Variants in TUSC3 observed in about 807,000 individuals in gnomAD.
TUSC3 encodes tumor suppressor candidate 3.
In TUSC3, 45 loss-of-function variants were observed where a neutral mutation model predicts 44.8. The ratio of observed to expected loss-of-function variants is 1.00; its 90% confidence interval spans 0.79 to 1.29. The LOEUF is 1.29. TUSC3 is among the 50% of genes most tolerant of loss of function. The probability of loss-of-function intolerance (pLI) is 0.00; values close to 1 mark genes in which losing one functional copy is unlikely to be tolerated. For synonymous variants in TUSC3, 212 were observed against 152.9 expected (o/e 1.39, Z -2.85); for missense variants, 519 against 437.9 (o/e 1.19, Z -1.65).
At chr8:15,652,183 T>C (rs575937205) in intron 3 of TUSC3, among the ~76,000 whole-genome samples, 1 of 152,330 alleles carries the variant, frequency 6.6e-6, no homozygotes, top group Non-Finnish European at 1.5e-5. Flanking sequence ...GGTTGATCTT[T>C]TCGGGTATCT....
chr8:15,456,647 T>C (rs1329670342), intron 1 of TUSC3, among the ~76,000 whole-genome samples: 2 of 152,174 alleles, frequency 1.3e-5, no homozygotes, highest in Non-Finnish European at 2.9e-5. Flanking sequence ...AAAAGGACTT[T>C]TTATTAAATG....
chr8:15,484,290 A>G (rs1398339087), intron 2 of TUSC3, among the ~76,000 whole-genome samples: 1 of 152,168 alleles, frequency 6.6e-6, no homozygotes, highest in Non-Finnish European at 1.5e-5. Flanking sequence ...CTCTAGCACA[A>G]TTTCCCAGGA....
intron 6 of TUSC3, among the ~76,000 whole-genome samples, chr8:15,695,800 G>C (rs561106389): frequency 6.6e-6 from 1 of 152,326 alleles, no homozygotes; most frequent in South Asian, 2.1e-4. Context: ...CGTTTTAGCA[G>C]AGACAGGTGG....
the TUSC3 span, among the ~76,000 whole-genome samples, chr8:15,813,355 T>C: frequency 6.7e-6 from 1 of 148,902 alleles, no homozygotes; most frequent in South Asian, 2.2e-4. Context: ...TTAAGAGTAT[T>C]GGTGATGTAG....
intron 1 of TUSC3, among the ~76,000 whole-genome samples, chr8:15,579,125 T>C (rs1803224611): frequency 6.6e-6 from 1 of 152,056 alleles, no homozygotes; most frequent in Admixed American, 6.6e-5. Flanking sequence ...TAGTATTCTC[T>C]GATATTAGTT....
At chr8:15,802,825 A>G in the TUSC3 span, among the ~76,000 whole-genome samples, 3 of 152,068 alleles carry the variant, frequency 2.0e-5, no homozygotes, top group Admixed American at 1.3e-4. Flanking sequence ...AGTACCCAGA[A>G]CGTGGCTAAA....
At chr8:15,429,255 G>C (rs894070374) in intron 1 of TUSC3, among the ~76,000 whole-genome samples, 1 of 152,116 alleles carries the variant, frequency 6.6e-6, no homozygotes, top group Non-Finnish European at 1.5e-5. Context: ...CTTTTTGTCA[G>C]GTGTGTCAAA....
At chr8:15,827,353 G>C in the TUSC3 span, among the ~76,000 whole-genome samples, 2 of 152,302 alleles carry the variant, frequency 1.3e-5, no homozygotes, top group East Asian at 1.9e-4. Flanking sequence ...CTGAACACTA[G>C]TGTCATATAT....
At chr8:15,652,157 C>G (rs1266464707) in intron 3 of TUSC3, among the ~76,000 whole-genome samples, 1 of 152,158 alleles carries the variant, frequency 6.6e-6, no homozygotes, top group Non-Finnish European at 1.5e-5. Context: ...AAATGCAAAA[C>G]TTAGTGCAGT....
intron 7 of TUSC3, among the ~76,000 whole-genome samples, chr8:15,735,672 A>G: frequency 6.6e-6 from 1 of 152,080 alleles, no homozygotes; most frequent in Middle Eastern, 3.2e-3. Flanking sequence ...ATCATAATAA[A>G]GATACAGTGG....
Position 15,540,452 on chromosome 8 carries a change from T to C in TUSC3, c.22T>C (p.Ser8Pro). Residue 8 changes from serine (S) to proline (P), a missense_variant, in exon 1 of 11, where the codon TCA (serine) becomes CCA (proline). Ser to Pro is a moderately conservative substitution (Grantham distance 74). Coordinates refer to ENST00000503731, the MANE Select transcript of TUSC3 (RefSeq NM_006765.4). The stretch of plus-strand genomic sequence containing the variant: ...CGCGATGGGGGCCCGGGGCGCTCCT[T>C]CACGCCGTAGGCAAGCGGGGCGGCG... Reference protein sequence around the residue: MGARGAPSRRRQAGRRLR... With the variant: MGARGAPPRRRQAGRRLR... The C allele has an allele frequency of 1.2e-6, 2 of 1,603,054 alleles. No homozygotes were observed. The highest frequency in any genetic ancestry group is 1.7e-6 in the Non-Finnish European group (2 of 1,175,794).
the TUSC3 span, among the ~76,000 whole-genome samples, chr8:15,841,859 C>G: frequency 6.6e-6 from 1 of 152,258 alleles, no homozygotes; most frequent in African/African-American, 2.4e-5. Context: ...GTACTTCTTT[C>G]ACTCCATTTA....
intron 2 of TUSC3, among the ~76,000 whole-genome samples, chr8:15,646,340 GT>G (rs1399747613): frequency 6.6e-6 from 1 of 152,064 alleles, no homozygotes; most frequent in Non-Finnish European, 1.5e-5. Flanking sequence ...AGTTATGGAG[GT>G]TTTTGACTTT....
chr8:15,455,684 C>T (rs1364329486), intron 1 of TUSC3, among the ~76,000 whole-genome samples: 3 of 152,146 alleles, frequency 2.0e-5, no homozygotes, highest in Non-Finnish European at 4.4e-5. Context: ...GAGAAAATTA[C>T]ATCAGTTTAG....
At chr8:15,588,654 C>G (rs1803694109) in intron 1 of TUSC3, among the ~76,000 whole-genome samples, 1 of 152,054 alleles carries the variant, frequency 6.6e-6, no homozygotes, top group South Asian at 2.1e-4. Context: ...GAAACATTTT[C>G]TCAGTGTTTT....
chr8:15,566,275 C>T (rs1802667738), intron 1 of TUSC3, among the ~76,000 whole-genome samples: 2 of 152,108 alleles, frequency 1.3e-5, no homozygotes, highest in Admixed American at 6.5e-5. Flanking sequence ...ATATAAGATG[C>T]AGCAGTTTTA....
intron 6 of TUSC3, among the ~76,000 whole-genome samples, chr8:15,722,068 T>C (rs776352230): frequency 3.9e-5 from 6 of 152,048 alleles, no homozygotes; most frequent in Non-Finnish European, 4.4e-5. Flanking sequence ...TGATTCCCAT[T>C]AGCTGTCTCA....
chr8:15,503,939 G>C (rs1801008779), intron 2 of TUSC3, among the ~76,000 whole-genome samples: 1 of 150,930 alleles, frequency 6.6e-6, no homozygotes, highest in African/African-American at 2.4e-5. Flanking sequence ...TGCTTGAACA[G>C]GGGAGGTGGA....
intron 6 of TUSC3, among the ~76,000 whole-genome samples, chr8:15,677,212 G>A (rs1296112006): frequency 2.0e-5 from 3 of 152,022 alleles, no homozygotes; most frequent in Admixed American, 6.6e-5. Context: ...GTTGTCCAGG[G>A]TGGTCTTGAA....
Sources: gnomAD v4.1 joint callset for allele counts (sites outside exome capture counted in the v4.1 genomes callset) on GRCh38, gnomAD v4.1.1 for gene constraint, MANE v1.5 for transcripts, NCBI Gene and HGNC (gene_info 2026-07-23, HGNC 2026-07-21) for gene names.